EPHA5: variants seen among roughly 807,000 people sequenced by gnomAD.
EPHA5 encodes ephrin type-A receptor 5.
A neutral mutation model predicts 105.0 loss-of-function variants in EPHA5; 60 were observed. The ratio of observed to expected loss-of-function variants is 0.57; its 90% CI spans 0.46 to 0.71. The LOEUF (loss-of-function observed/expected upper bound fraction) is 0.71. EPHA5 is among the 30% of genes least tolerant of loss of function. The pLI, the probability that EPHA5 is intolerant of heterozygous loss-of-function variation, is 0.00. For missense variants in EPHA5, 1,218 were observed against 1,274.7 expected, an observed-to-expected ratio of 0.96 and a Z score of 0.68; for synonymous variants, 513 against 449.1, an observed-to-expected ratio of 1.14 and a Z score of -1.80.
intron 7 of EPHA5, among the ~76,000 whole-genome samples, chr4:65,413,233 C>T (rs867603006): frequency 1.3e-5 from 2 of 152,042 alleles, no homozygotes; most frequent in African/African-American, 4.8e-5. Context: ...AGTTAAACTT[C>T]ACTCATGGAT....
chr4:65,440,594 A>G (rs927250210), intron 5 of EPHA5, among the ~76,000 whole-genome samples: 3 of 151,916 alleles, frequency 2.0e-5, no homozygotes, highest in African/African-American at 7.2e-5. Flanking sequence ...ATTACTTCAT[A>G]GTAAAAAATA....
intron 8 of EPHA5, among the ~76,000 whole-genome samples, chr4:65,388,409 G>T (rs1424823050): frequency 1.3e-5 from 2 of 151,420 alleles, no homozygotes; most frequent in Admixed American, 1.3e-4. Context: ...TTCCACAATG[G>T]TTGAACTAGT....
intron 5 of EPHA5, among the ~76,000 whole-genome samples, chr4:65,465,467 A>AAAAGAAAGAAAGAAAGAAAGAAAG (rs749079632): frequency 2.7e-5 from 2 of 75,022 alleles, no homozygotes; most frequent in African/African-American, 6.1e-5. Context: ...AAAAGAAAGA[A>AAAAGAAAGAAAGAAAGAAAGAAAG]AAAGAAAGAA....
At chr4:65,663,548 C>A (rs1749719244) in intron 1 of EPHA5, among the ~76,000 whole-genome samples, 1 of 152,092 alleles carries the variant, frequency 6.6e-6, no homozygotes, top group East Asian at 1.9e-4. Context: ...TATCTTATAG[C>A]ACTTTTTCCT....
Position 65,611,331 on chromosome 4 carries a change from G to T in EPHA5, c.247-9027C>A, listed in dbSNP as rs1362870988. ...ATTGGTACTCTTTAATATAAATATTGCACTGTCCTGTTATAGATAGCTGTA... is the reference window on the plus strand; with the variant it reads ...ATTGGTACTCTTTAATATAAATATTTCACTGTCCTGTTATAGATAGCTGTA... On this transcript the variant is annotated intron_variant, in intron 2 of 16. Transcript: ENST00000613740. 2.0e-5 allele frequency among the ~76,000 whole-genome samples: 3 copies of T among 151,928 alleles called. No individual in the cohort carries two copies. The East Asian group carries it at 5.8e-4, about 29-fold the overall frequency.
chr4:65,476,137 T>A (rs1240195967), intron 5 of EPHA5, among the ~76,000 whole-genome samples: 2 of 151,038 alleles, frequency 1.3e-5, no homozygotes, highest in African/African-American at 4.9e-5. Context: ...AGTGTGTGTG[T>A]GTGTGTGTGT....
intron 5 of EPHA5, among the ~76,000 whole-genome samples, chr4:65,435,278 G>A (rs897498895): frequency 6.6e-6 from 1 of 152,004 alleles, no homozygotes; most frequent in Non-Finnish European, 1.5e-5. Flanking sequence ...CCATTGTTAG[G>A]TTTCTTGGCA....
At chr4:65,534,461 G>A (rs1736108195) in intron 3 of EPHA5, among the ~76,000 whole-genome samples, 1 of 151,926 alleles carries the variant, frequency 6.6e-6, no homozygotes, top group Non-Finnish European at 1.5e-5. Context: ...CCAAACAAAA[G>A]CAAAATAAAG....
intron 7 of EPHA5, among the ~76,000 whole-genome samples, chr4:65,408,008 G>T (rs114438899): frequency 6.6e-6 from 1 of 151,742 alleles, no homozygotes; most frequent in Non-Finnish European, 1.5e-5. Context: ...CAAGTGATTC[G>T]CCCACCATAA....
chr4:65,338,516 A>G (rs1478530560), intron 14 of EPHA5, among the ~76,000 whole-genome samples: 1 of 151,866 alleles, frequency 6.6e-6, no homozygotes, highest in East Asian at 1.9e-4. Flanking sequence ...AACAATACAG[A>G]TGTTTACCTT....
At chr4:65,533,326 A>C (rs1044420260) in intron 3 of EPHA5, among the ~76,000 whole-genome samples, 1 of 152,164 alleles carries the variant, frequency 6.6e-6, no homozygotes, top group Non-Finnish European at 1.5e-5. Context: ...TGAAATTTAT[A>C]AAACCATTTT....
intron 2 of EPHA5, among the ~76,000 whole-genome samples, chr4:65,625,140 A>G (rs1253231556): frequency 2.6e-5 from 4 of 152,170 alleles, no homozygotes; most frequent in African/African-American, 7.2e-5. Flanking sequence ...CTCATATGAT[A>G]TAACATATTA....
At chr4:65,591,275 C>T (rs1265075540) in intron 3 of EPHA5, among the ~76,000 whole-genome samples, 1 of 151,904 alleles carries the variant, frequency 6.6e-6, no homozygotes, top group Non-Finnish European at 1.5e-5. Context: ...ATTTTTAGTA[C>T]TATGAAGAAA....
chr4:65,574,631 T>TATATATATATATATATATATATACAC (rs1740630201), intron 3 of EPHA5, among the ~76,000 whole-genome samples: 2 of 81,690 alleles, frequency 2.4e-5, no homozygotes, highest in Non-Finnish European at 5.6e-5. Context: ...TATATACACA[T>TATATATATATATATATATATATACAC]ATATATATAC....
intron 5 of EPHA5, among the ~76,000 whole-genome samples, chr4:65,440,431 G>A (rs1171650056): frequency 2.0e-5 from 3 of 151,106 alleles, no homozygotes; most frequent in Non-Finnish European, 4.4e-5. Flanking sequence ...TAATCATACA[G>A]AAATAGTGAG....
chr4:65,626,428 G>C (rs1209014595), intron 2 of EPHA5, among the ~76,000 whole-genome samples: 1 of 152,036 alleles, frequency 6.6e-6, no homozygotes, highest in African/African-American at 2.4e-5. Flanking sequence ...AAATAATTAG[G>C]TGTTACTAAT....
intron 3 of EPHA5, among the ~76,000 whole-genome samples, chr4:65,576,002 GAA>G (rs771273328): frequency 0.081 from 4,092 of 50,576 alleles, 196 homozygotes; most frequent in South Asian, 0.16. Flanking sequence ...GAGAGAGAGA[GAA>G]AGAAAGAAAG....
chr4:65,437,883 T>C (rs561531343), intron 5 of EPHA5, among the ~76,000 whole-genome samples: 21 of 152,052 alleles, frequency 1.4e-4, no homozygotes, highest in Middle Eastern at 6.8e-3. Flanking sequence ...ATTTAAAAAA[T>C]CATGAATTTA....
chr4:65,391,192 G>T (rs895288530), intron 8 of EPHA5, among the ~76,000 whole-genome samples: 9 of 152,052 alleles, frequency 5.9e-5, no homozygotes, highest in African/African-American at 2.2e-4. Context: ...TTGACATGAG[G>T]TGATTATGGG....
Sources: allele counts gnomAD v4.1 joint callset (sites outside exome capture counted in the v4.1 genomes callset), GRCh38; gene constraint gnomAD v4.1.1; transcripts MANE v1.5; gene names NCBI Gene and HGNC (gene_info 2026-07-23, HGNC 2026-07-21).